Variants in DYM observed in about 807,000 individuals in gnomAD.
DYM encodes dymeclin, also known as dyggve-Melchior-Clausen syndrome protein.
Under a neutral mutation model 93.1 loss-of-function variants are expected in DYM, and 78 were observed. That is an observed-to-expected ratio of 0.84 (90% CI 0.70 to 1.01). The LOEUF (loss-of-function observed/expected upper bound fraction) is 1.01, where lower values mean the gene tolerates loss of function less well. Ranked by LOEUF, DYM falls within the 50% of genes least tolerant of loss-of-function variation. The probability of loss-of-function intolerance (pLI) is 0.00; values close to 1 mark genes in which losing one functional copy is unlikely to be tolerated. For missense variants in DYM, 789 were observed against 845.0 expected (o/e 0.93, Z 0.82); for synonymous variants, 321 against 319.7 (o/e 1.00, Z -0.04).
chr18:49,133,137 C>T (rs542066001), intron 15 of DYM, among the ~76,000 whole-genome samples: 1 of 152,248 alleles, frequency 6.6e-6, no homozygotes, highest in Non-Finnish European at 1.5e-5. Flanking sequence ...GCATTCTCAA[C>T]AGAGCACTGA....
intron 14 of DYM, among the ~76,000 whole-genome samples, chr18:49,178,263 G>A (rs1365942317): frequency 1.3e-5 from 2 of 152,050 alleles, no homozygotes; most frequent in Admixed American, 6.6e-5. Flanking sequence ...ATGTGGAAAT[G>A]GGAAAAATCT....
chr18:49,358,465 C>T (rs1347001822), intron 6 of DYM, among the ~76,000 whole-genome samples: 1 of 152,082 alleles, frequency 6.6e-6, no homozygotes, highest in African/African-American at 2.4e-5. Flanking sequence ...CGACAAGTCA[C>T]AGTACACAAA....
intron 1 of DYM, among the ~76,000 whole-genome samples, chr18:49,434,729 G>C (rs1393883679): frequency 2.0e-5 from 3 of 152,026 alleles, no homozygotes; most frequent in Admixed American, 6.5e-5. Context: ...AACTCGGGAG[G>C]CTGAGGCAGG....
At chr18:49,203,871 T>TAAAAAAAAA (rs71165370) in intron 14 of DYM, among the ~76,000 whole-genome samples, 22 of 63,536 alleles carry the variant, frequency 3.5e-4, no homozygotes, top group East Asian at 1.8e-3. Context: ...TTTAAAAAAG[T>TAAAAAAAAA]AAAAAAAAAA....
intron 16 of DYM, among the ~76,000 whole-genome samples, chr18:49,101,900 AT>A (rs1317488906): frequency 6.6e-6 from 1 of 152,188 alleles, no homozygotes; most frequent in Non-Finnish European, 1.5e-5. Flanking sequence ...AATAGACATC[AT>A]GGTAAAGTGG....
chr18:49,224,259 T>G (rs570169137), intron 13 of DYM, among the ~76,000 whole-genome samples: 1 of 152,136 alleles, frequency 6.6e-6, no homozygotes, highest in African/African-American at 2.4e-5. Context: ...GGGCAAGATT[T>G]CCATTTTCGA....
chr18:49,195,980 G>C (rs1481087435), intron 14 of DYM, among the ~76,000 whole-genome samples: 1 of 129,032 alleles, frequency 7.8e-6, no homozygotes, highest in Non-Finnish European at 1.6e-5. Context: ...TTGGAGTGCA[G>C]TGGTGCGATC....
intron 7 of DYM, among the ~76,000 whole-genome samples, chr18:49,332,711 A>G (rs2063396509): frequency 6.6e-6 from 1 of 152,202 alleles, no homozygotes; most frequent in Non-Finnish European, 1.5e-5. Context: ...TAAAGAACAT[A>G]TTACGGTTTA....
intron 13 of DYM, among the ~76,000 whole-genome samples, chr18:49,233,146 G>C (rs1322915424): frequency 1.3e-5 from 2 of 151,880 alleles, no homozygotes; most frequent in Non-Finnish European, 2.9e-5. Context: ...TGGATCACCT[G>C]AGGTCAGGAG....
intron 17 of DYM, among the ~76,000 whole-genome samples, chr18:49,087,250 C>T (rs2078627186): frequency 6.6e-6 from 1 of 152,210 alleles, no homozygotes; most frequent in Admixed American, 6.5e-5. Flanking sequence ...AAATACTGGG[C>T]AAGATTTATT....
At chr18:49,395,369 C>T (rs1340924280) in intron 2 of DYM, among the ~76,000 whole-genome samples, 1 of 152,116 alleles carries the variant, frequency 6.6e-6, no homozygotes, top group Admixed American at 6.5e-5. Flanking sequence ...GTGGCTCATG[C>T]CTATAATCCC....
At chr18:49,306,433 C>A (rs371150451) in intron 8 of DYM, among the ~76,000 whole-genome samples, 1 of 152,158 alleles carries the variant, frequency 6.6e-6, no homozygotes, top group Non-Finnish European at 1.5e-5. Flanking sequence ...CATATTATCC[C>A]GCTTCTTGAA....
chr18:49,078,962 G>A (rs914889631), intron 17 of DYM, among the ~76,000 whole-genome samples: 6 of 152,162 alleles, frequency 3.9e-5, no homozygotes, highest in African/African-American at 1.4e-4. Context: ...CCGCATAAGG[G>A]AATTTGGTAC....
In DYM at chr18:49,304,811, G is replaced by A. The variant is rs964222636; in HGVS notation, c.764-18195C>T. On this transcript the variant is annotated intron_variant, in intron 8 of 17. Coordinates refer to ENST00000675505, the MANE Select transcript of DYM (RefSeq NM_001353214.3). ...CTGTCTTTCCCTCCACACTACTCCC[G>A]TGCTCATTTTGTAAATTTCTACGTC... 4.8e-4 allele frequency among the ~76,000 whole-genome samples: 73 copies of A among 151,986 alleles called. 2 individuals carry two copies. Among genetic ancestry groups the A allele is most frequent in the East Asian group, 1.9e-4 (1 of 5,190 alleles).
At chr18:49,137,332 G>A (rs556508276) in intron 15 of DYM, among the ~76,000 whole-genome samples, 1 of 152,246 alleles carries the variant, frequency 6.6e-6, no homozygotes, top group African/African-American at 2.4e-5. Flanking sequence ...ATACTGGCAG[G>A]GAGTCAAAAG....
At chr18:49,118,607 T>C in intron 16 of DYM, 137 bp downstream of exon 16, 1 of 797,808 alleles carries the variant, frequency 1.3e-6, no homozygotes, top group Non-Finnish European at 2.1e-6. Flanking sequence ...ACAACTATTA[T>C]AGTAAAATAG....
At chr18:49,327,086 A>T (rs1343064652) in intron 8 of DYM, among the ~76,000 whole-genome samples, 1 of 151,390 alleles carries the variant, frequency 6.6e-6, no homozygotes. Context: ...GAAAGTACAG[A>T]ATGAGACAGA....
intron 8 of DYM, among the ~76,000 whole-genome samples, chr18:49,313,571 T>C (rs2061743805): frequency 7.3e-6 from 1 of 136,560 alleles, no homozygotes; most frequent in Non-Finnish European, 1.6e-5. Context: ...GCATGAATAA[T>C]CCACCCCTTG....
At chr18:49,421,195 C>T (rs555722110) in intron 2 of DYM, among the ~76,000 whole-genome samples, 23 of 152,334 alleles carry the variant, frequency 1.5e-4, no homozygotes, top group African/African-American at 5.3e-4. Context: ...GGACAGACTG[C>T]CTCCTCAAGT....
Sources: allele counts gnomAD v4.1 joint callset (sites outside exome capture counted in the v4.1 genomes callset), GRCh38; gene constraint gnomAD v4.1.1; transcripts MANE v1.5; gene names NCBI Gene and HGNC (gene_info 2026-07-23, HGNC 2026-07-21).